The following SLCO2A1 variants were observed in gnomAD, a reference collection of about 807,000 sequenced individuals.
SLCO2A1 encodes matrin F/G 1.
Under a neutral mutation model 71.7 loss-of-function variants are expected in SLCO2A1, and 60 were observed. The ratio of observed to expected loss-of-function variants is 0.84; its 90% CI spans 0.68 to 1.04. The LOEUF (loss-of-function observed/expected upper bound fraction) is 1.04. Among genes scored for constraint, SLCO2A1 ranks in the 50% least tolerant of loss-of-function variants. The pLI, the probability that SLCO2A1 is intolerant of heterozygous loss-of-function variation, is 0.00. For synonymous variants in SLCO2A1, 308 were observed against 326.7 expected (o/e 0.94, Z 0.62); for missense variants, 745 against 813.4 (o/e 0.92, Z 1.02).
chr3:133,997,379 T>C (rs1165253808), intron 1 of SLCO2A1, among the ~76,000 whole-genome samples: 1 of 152,234 alleles, frequency 6.6e-6, no homozygotes. Context: ...ACCGTGACAT[T>C]ATTTGGAAAT....
intron 3 of SLCO2A1, 107 bp downstream of exon 3, chr3:133,973,556 T>A (rs1469094182): frequency 8.5e-7 from 1 of 1,181,988 alleles, no homozygotes; most frequent in East Asian, 2.5e-5. Flanking sequence ...GAGCTTCATA[T>A]GCCCTCTTCC....
chr3:134,025,446 T>A lies in SLCO2A1; in HGVS notation c.96+4261A>T, dbSNP rs551361858. Among the ~76,000 whole-genome samples, 110 of 152,112 alleles carry A rather than the reference T, an allele frequency of 7.2e-4. 4 individuals are homozygous for A. The East Asian group carries it at 0.019, about 26-fold the overall frequency. On this transcript the variant is annotated intron_variant, in intron 1 of 13. Transcript: ENST00000310926. ...GGGCTCACAAATGATATGAGTAAAG[T>A]GCTAGCCAAAACAGAAGAAAAAGGG...
chr3:133,949,069 G>A lies in SLCO2A1; in HGVS notation c.862-98C>T. 3 of 1,057,794 alleles carry A rather than the reference G, an allele frequency of 2.8e-6. 1 individual carries two copies. Among genetic ancestry groups the A allele is most frequent in the South Asian group, 1.3e-5 (1 of 76,220 alleles). The allele number at this position is 1,057,794 out of a possible 1,614,324, so 65.5% of individuals were successfully genotyped here. Reference sequence around the variant, plus strand: ...CTCTGGCCTCAGAAGCTCAGGGCTGGGTGGAGGTGAGCCCCCTCCAGGCGT... The same window carrying A: ...CTCTGGCCTCAGAAGCTCAGGGCTGAGTGGAGGTGAGCCCCCTCCAGGCGT... On this transcript the variant is annotated intron_variant, in intron 6 of 13. Transcript: ENST00000310926.
intron 5 of SLCO2A1, 80 bp from the exon 6 acceptor site, chr3:133,951,424 G>T (rs928431088): frequency 6.6e-7 from 1 of 1,523,292 alleles, no homozygotes; most frequent in Non-Finnish European, 9.0e-7. Flanking sequence ...TGATCAGGGG[G>T]AGTTTCACTG....
intron 1 of SLCO2A1, among the ~76,000 whole-genome samples, chr3:134,022,973 C>T (rs570838319): frequency 5.9e-5 from 9 of 152,264 alleles, no homozygotes; most frequent in African/African-American, 1.9e-4. Flanking sequence ...AGTCTTTTAG[C>T]ACATGTACCA....
At chr3:133,986,885 C>T (rs896272636) in intron 1 of SLCO2A1, among the ~76,000 whole-genome samples, 1 of 152,114 alleles carries the variant, frequency 6.6e-6, no homozygotes, top group Non-Finnish European at 1.5e-5. Flanking sequence ...ATGTTCATGC[C>T]TCTCTTTTCC....
intron 1 of SLCO2A1, among the ~76,000 whole-genome samples, chr3:133,988,526 T>A (rs1934765126): frequency 6.6e-6 from 1 of 152,224 alleles, no homozygotes; most frequent in South Asian, 2.1e-4. Flanking sequence ...CCGACCACCA[T>A]GGCACATGTT....
At position 133,935,806 on chromosome 3, in the gene SLCO2A1, G is replaced by A. The variant is rs751921800; in HGVS notation, c.1782C>T (p.Cys594=). ...GGAGAGCATCGTTGTCATAGTAGGCGCAGGCCCCTCGCCTCCCCAAGCACA... is the reference window on the plus strand; with the variant it reads ...GGAGAGCATCGTTGTCATAGTAGGCACAGGCCCCTCGCCTCCCCAAGCACA... The part of the protein sequence containing the change: ...NSLCLGRRGA[C]AYYDNDALRD... Residue 594 remains cysteine (C), a synonymous_variant, in exon 13 of 14, where the codon TGC becomes TGT. Coordinates refer to ENST00000310926, the MANE Select transcript of SLCO2A1 (RefSeq NM_005630.3). The A allele has an allele frequency of 1.7e-5, 27 of 1,609,846 alleles. No homozygotes were observed. The East Asian group carries it at 2.5e-4, about 15-fold the overall frequency.
chr3:134,014,510 C>T (rs1935404891), intron 1 of SLCO2A1, among the ~76,000 whole-genome samples: 1 of 152,228 alleles, frequency 6.6e-6, no homozygotes, highest in Non-Finnish European at 1.5e-5. Flanking sequence ...TTAAGGTCCT[C>T]TCAACTGAAA....
intron 11 of SLCO2A1, among the ~76,000 whole-genome samples, chr3:133,940,679 G>A (rs953841600): frequency 2.5e-4 from 38 of 152,326 alleles, no homozygotes; most frequent in Admixed American, 2.4e-3. Context: ...AGAGTCTCAG[G>A]TGAAGCTGTC....
rs1934387124 is a variant in SLCO2A1 at position 133,973,774 on chromosome 3, G to C, written c.286C>G (p.His96Asp). The C allele has an allele frequency of 3.7e-6, 6 of 1,614,004 alleles. No individual in the cohort carries two copies. The East Asian group carries it at 1.3e-4, about 36-fold the overall frequency. The change falls in exon 3 of 14, where the codon CAC becomes GAC. Residue 96 changes from histidine (H) to aspartate (D), a missense_variant. Transcript: ENST00000310926. ...IFVSYFGSRV[H>D]RPRLIGIGGL... The stretch of plus-strand genomic sequence containing the variant: ...CCGATGCCAATCAGACGTGGACGGT[G>C]CACCCGGCTGCCAAAGTAGCTGACA...
chr3:133,956,747 A>G (rs1354968512), intron 3 of SLCO2A1, among the ~76,000 whole-genome samples: 2 of 152,232 alleles, frequency 1.3e-5, no homozygotes, highest in African/African-American at 4.8e-5. Flanking sequence ...ACACAGAAAG[A>G]CAGCTGGAAC....
chr3:133,982,328 G>A (rs758423116), intron 1 of SLCO2A1, among the ~76,000 whole-genome samples: 1 of 151,074 alleles, frequency 6.6e-6, no homozygotes, highest in Non-Finnish European at 1.5e-5. Context: ...CCCTTCTCTG[G>A]ACATGATCCA....
chr3:133,950,392 T>C (rs1418004505), intron 6 of SLCO2A1, among the ~76,000 whole-genome samples: 1 of 152,198 alleles, frequency 6.6e-6, no homozygotes, highest in Non-Finnish European at 1.5e-5. Context: ...CCAAGCCAGC[T>C]CACTGCTGAG....
chr3:133,957,528 C>T (rs1933926738), intron 3 of SLCO2A1, among the ~76,000 whole-genome samples: 1 of 152,144 alleles, frequency 6.6e-6, no homozygotes, highest in Non-Finnish European at 1.5e-5. Flanking sequence ...GAAATCAAGT[C>T]TGATGGCAGC....
rs567844031 is a variant in SLCO2A1 at position 133,955,335 on chromosome 3, C to T, written c.398-142G>A. ...CTGTGCTAGCAAATGGGACATGGTT[C>T]CTGAGGACCGCGTCCTTCTGTCTGG... On this transcript the variant is annotated intron_variant, in intron 3 of 13. Transcript: ENST00000310926. 17 of 637,700 alleles carry T rather than the reference C, an allele frequency of 2.7e-5. No individual in the cohort carries two copies. The South Asian group carries it at 3.0e-4, about 11-fold the overall frequency. The allele number at this position is 637,700 out of a possible 1,614,324, so 39.5% of individuals were successfully genotyped here. A position where few individuals can be genotyped will look rare whatever the true frequency, so the allele number is the denominator to read the frequency against.
At chr3:133,943,215 G>A (rs923331045) in intron 10 of SLCO2A1, among the ~76,000 whole-genome samples, 1 of 152,240 alleles carries the variant, frequency 6.6e-6, no homozygotes, top group Non-Finnish European at 1.5e-5. Flanking sequence ...CCTGGGTTCT[G>A]ATTCTGTCAG....
At chr3:133,958,566 G>A (rs1189702774) in intron 3 of SLCO2A1, among the ~76,000 whole-genome samples, 1 of 152,192 alleles carries the variant, frequency 6.6e-6, no homozygotes, top group Non-Finnish European at 1.5e-5. Context: ...TAAGCCAGCT[G>A]CTCAGCTTGG....
chr3:133,958,777 G>A (rs1231844221), intron 3 of SLCO2A1, among the ~76,000 whole-genome samples: 1 of 152,154 alleles, frequency 6.6e-6, no homozygotes, highest in African/African-American at 2.4e-5. Flanking sequence ...TTTCCAAGTG[G>A]GTATTTATTT....
Sources: gnomAD v4.1 joint callset for allele counts (sites outside exome capture counted in the v4.1 genomes callset) on GRCh38, gnomAD v4.1.1 for gene constraint, MANE v1.5 for transcripts, NCBI Gene and HGNC (gene_info 2026-07-23, HGNC 2026-07-21) for gene names.